The following RNF212 variants were observed in gnomAD, a reference collection of about 807,000 sequenced individuals.
RNF212 encodes the protein ring finger protein 212, also known as probable E3 SUMO-protein ligase RNF212.
A neutral mutation model predicts 34.7 loss-of-function variants in RNF212; 33 were observed. The ratio of observed to expected loss-of-function variants is 0.95; its 90% CI spans 0.72 to 1.27. RNF212 has a LOEUF of 1.27. RNF212 is among the 50% of genes most tolerant of loss of function. RNF212 has a pLI of 0.00. For synonymous variants in RNF212, 140 were observed against 136.1 expected, an observed-to-expected ratio of 1.03 and a Z score of -0.20; for missense variants, 377 against 362.2, an observed-to-expected ratio of 1.04 and a Z score of -0.33.
chr4:1,080,811 T>G (rs1003501523), intron 7 of RNF212, among the ~76,000 whole-genome samples: 3 of 151,814 alleles, frequency 2.0e-5, no homozygotes, highest in African/African-American at 7.3e-5. Context: ...ATCACAGGGG[T>G]GGACTGAATT....
intron 2 of RNF212, among the ~76,000 whole-genome samples, chr4:1,104,381 T>C (rs10032470): frequency 0.82 from 124,119 of 152,228 alleles, 52,228 homozygotes; most frequent in East Asian, 1. Flanking sequence ...TGGCCTTCCA[T>C]ACAGGCCCTG....
At chr4:1,108,563 T>C (rs1383090571) in intron 1 of RNF212, among the ~76,000 whole-genome samples, 159 bp from the exon 2 acceptor site, 2 of 152,256 alleles carry the variant, frequency 1.3e-5, no homozygotes, top group Admixed American at 6.5e-5. Flanking sequence ...CTGGTACAGT[T>C]GGAAGGATTT....
At chr4:1,066,227 C>G (rs1048747260) in intron 3 of RNF212, among the ~76,000 whole-genome samples, 8 of 152,070 alleles carry the variant, frequency 5.3e-5, no homozygotes, top group Admixed American at 5.2e-4. Flanking sequence ...CCAGCTCTTG[C>G]TATAGTTTTG....
intron 2 of RNF212, among the ~76,000 whole-genome samples, chr4:1,097,896 C>A (rs1052879446): frequency 2.0e-5 from 3 of 152,130 alleles, no homozygotes; most frequent in Admixed American, 6.6e-5. Flanking sequence ...GAAACCCCAT[C>A]TCTATCAAAA....
intron 5 of RNF212, 189 bp from the exon 6 acceptor site, chr4:1,081,808 C>G (rs758100438): frequency 1.7e-6 from 1 of 581,340 alleles, no homozygotes; most frequent in East Asian, 2.9e-5. Flanking sequence ...TCCTCCCTAG[C>G]GCTGAAGCCA....
chr4:1,105,462 A>T (rs1724665828), intron 2 of RNF212, among the ~76,000 whole-genome samples: 1 of 152,244 alleles, frequency 6.6e-6, no homozygotes, highest in Non-Finnish European at 1.5e-5. Flanking sequence ...ATATATAAAG[A>T]TATCTCAGGT....
At chr4:1,108,490 A>G in intron 1 of RNF212, 86 bp from the exon 2 acceptor site, 1 of 629,256 alleles carries the variant, frequency 1.6e-6, no homozygotes, top group Non-Finnish European at 2.5e-6. Context: ...TGTTTCTCCA[A>G]GAAATAGGCA....
chr4:1,113,081 C>G lies in RNF212; in HGVS notation c.109+275G>C, dbSNP rs1415009371. Among the ~76,000 whole-genome samples, 12 of 4,326 alleles carry G rather than the reference C, an allele frequency of 2.8e-3. 1 individual carries two copies. In the South Asian group the frequency reaches 0.048, roughly 17 times the overall value. 2.8% of individuals were successfully genotyped at this position (4,326 alleles called of 152,430 possible). On this transcript the variant is annotated intron_variant, in intron 1 of 9. Coordinates refer to ENST00000433731, the MANE Select transcript of RNF212 (RefSeq NM_001131034.4). ...GCCTCTCACCCCCCCATGCCCCCCC[C>G]GCTCCATGCGCCGTTTCTCCCCCTC...
chr4:1,094,955 A>G (rs553640104), intron 3 of RNF212, among the ~76,000 whole-genome samples: 13 of 152,240 alleles, frequency 8.5e-5, no homozygotes, highest in Non-Finnish European at 1.9e-4. Flanking sequence ...TTTCACCATT[A>G]AGAAAGTAAA....
chr4:1,099,175 A>G (rs902998990), intron 2 of RNF212, among the ~76,000 whole-genome samples: 2 of 152,246 alleles, frequency 1.3e-5, no homozygotes, highest in Admixed American at 6.5e-5. Flanking sequence ...AGGGCCGGCG[A>G]TAAGCCAGGT....
Position 1,096,804 on chromosome 4 carries a change from T to A in RNF212, c.207A>T (p.Ile69=). The change falls in exon 3 of 10, where the codon ATA becomes ATT. Residue 69 remains isoleucine (I), a synonymous_variant. Transcript: ENST00000433731. ...DADIQAFFMS[I]DSLCKKYSRE... ...TGGAGTACTTCTTACACAGACTGTC[T>A]ATGCTCATGAAGAATGCCTGGATAT... 6.2e-7 allele frequency: 1 copy of A among 1,613,766 alleles called. No homozygotes were observed. The highest frequency in any genetic ancestry group is 8.5e-7 in the Non-Finnish European group (1 of 1,179,612).
At chr4:1,070,592 G>A (rs1353464146), downstream of RNF212, among the ~76,000 whole-genome samples, 2 of 150,172 alleles carry the variant, frequency 1.3e-5, no homozygotes, top group East Asian at 3.9e-4. Context: ...TGTCAGCGTG[G>A]ATGCCTGGCC....
chr4:1,093,939 A>G (rs1209224448), intron 3 of RNF212: 1 of 1,536,120 alleles, frequency 6.5e-7, no homozygotes, highest in East Asian at 2.4e-5. Flanking sequence ...CCATGGGTCG[A>G]GCCTCTGGGC....
intron 2 of RNF212, chr4:1,099,568 A>C: frequency 2.6e-6 from 1 of 380,126 alleles, no homozygotes; most frequent in Non-Finnish European, 5.2e-6. Flanking sequence ...AAGAAAACTG[A>C]ATTTTTGTTA....
At chr4:1,059,545 G>A (rs1189049892) in intron 3 of RNF212, among the ~76,000 whole-genome samples, 1 of 152,062 alleles carries the variant, frequency 6.6e-6, no homozygotes, top group Non-Finnish European at 1.5e-5. Flanking sequence ...AAGCCTGGGC[G>A]GCCTGTTCCA....
chr4:1,104,886 G>C (rs1400506576), intron 2 of RNF212, among the ~76,000 whole-genome samples: 1 of 152,120 alleles, frequency 6.6e-6, no homozygotes. Context: ...CCACACCAAG[G>C]GAGGAGGAAG....
intron 8 of RNF212, among the ~76,000 whole-genome samples, chr4:1,078,373 C>T (rs565318892): frequency 9.2e-5 from 14 of 152,298 alleles, no homozygotes; most frequent in Middle Eastern, 6.8e-3. Context: ...TCCTCTCTCC[C>T]GTTTCCGAGC....
chr4:1,084,590 T>A (rs1720875831), intron 5 of RNF212, among the ~76,000 whole-genome samples: 1 of 151,734 alleles, frequency 6.6e-6, no homozygotes, highest in Non-Finnish European at 1.5e-5. Flanking sequence ...ATTAGCTGTG[T>A]GTGGTGGTGC....
chr4:1,087,781 G>C (rs1268390590), intron 4 of RNF212, among the ~76,000 whole-genome samples: 2 of 151,900 alleles, frequency 1.3e-5, no homozygotes, highest in African/African-American at 4.8e-5. Flanking sequence ...TCATGACAGT[G>C]AGTTCTCACG....
Sources: allele counts gnomAD v4.1 joint callset (sites outside exome capture counted in the v4.1 genomes callset), GRCh38; gene constraint gnomAD v4.1.1; transcripts MANE v1.5; gene names NCBI Gene and HGNC (gene_info 2026-07-23, HGNC 2026-07-21).